CAPN2: variants seen among roughly 807,000 people sequenced by gnomAD.
CAPN2 encodes the protein calpain 2.
In CAPN2, 92 loss-of-function variants were observed where a neutral mutation model predicts 102.3. The ratio of observed to expected loss-of-function variants is 0.90; its 90% confidence interval spans 0.76 to 1.07. The LOEUF (loss-of-function observed/expected upper bound fraction) is 1.07, where lower values mean the gene tolerates loss of function less well. Among genes scored for constraint, CAPN2 ranks in the 50% least tolerant of loss-of-function variants. CAPN2 has a pLI of 0.00. For synonymous variants in CAPN2, 340 were observed against 355.4 expected, an observed-to-expected ratio of 0.96 and a Z score of 0.49; for missense variants, 800 against 909.4, an observed-to-expected ratio of 0.88 and a Z score of 1.55.
At chr1:223,715,879 G>A (rs1659862147) in intron 1 of CAPN2, among the ~76,000 whole-genome samples, 2 of 152,172 alleles carry the variant, frequency 1.3e-5, no homozygotes, top group South Asian at 4.1e-4. Context: ...AATAATAATA[G>A]ATCACATTTA....
At position 223,745,376 on chromosome 1, in the gene CAPN2, T is replaced by G; in HGVS notation, c.497T>G (p.Leu166Arg). The G allele has an allele frequency of 6.2e-7, 1 of 1,614,166 alleles. No homozygotes were observed. The highest frequency in any genetic ancestry group is 2.2e-5 in the East Asian group (1 of 44,868). The change falls in exon 4 of 21, where the codon CTC (leucine) becomes CGC (arginine). Residue 166 changes from leucine (L) to arginine (R), a missense_variant. Transcript: ENST00000295006. ...CTGCCCACCAAGGACGGGGAGCTGC[T>G]CTTTGTGCATTCAGCCGAAGGGAGC... ...DRLPTKDGELLFVHSAEGSEF... is the reference protein window; with the variant it reads ...DRLPTKDGELRFVHSAEGSEF...
intron 2 of CAPN2, among the ~76,000 whole-genome samples, chr1:223,734,493 C>A (rs577405594): frequency 1.3e-5 from 2 of 152,088 alleles, no homozygotes; most frequent in Non-Finnish European, 2.9e-5. Flanking sequence ...ATTCGGACAC[C>A]CCTTGCTTCC....
At chr1:223,706,052 T>C (rs1024859728) in intron 1 of CAPN2, among the ~76,000 whole-genome samples, 9 of 152,152 alleles carry the variant, frequency 5.9e-5, no homozygotes, top group African/African-American at 2.2e-4. Flanking sequence ...CTCTGGGAGA[T>C]AGCACTGGTG....
intron 6 of CAPN2, 112 bp from the exon 7 acceptor site, chr1:223,750,778 C>T (rs1327684754): frequency 1.7e-5 from 16 of 945,642 alleles, no homozygotes; most frequent in East Asian, 1.1e-4. Context: ...TCCTCCCCAC[C>T]GTCCTCAGCC....
At position 223,757,848 on chromosome 1, in the gene CAPN2, T is replaced by G. The variant is rs12033754; in HGVS notation, c.1317+468T>G. The G allele has an allele frequency of 3.4e-4, 35 of 102,934 alleles. No individual in the cohort carries two copies. The East Asian group carries it at 3.8e-3, about 11-fold the overall frequency. 6.4% of individuals were successfully genotyped at this position (102,934 alleles called of 1,614,324 possible). A position where few individuals can be genotyped will look rare whatever the true frequency, so the allele number is the denominator to read the frequency against. ...CCTCTCTGCATTTCAGGGTTTTGTTTTTTTTTTTTTTGATTTTTGGTTTGT... is the reference window on the plus strand; with the variant it reads ...CCTCTCTGCATTTCAGGGTTTTGTTGTTTTTTTTTTTGATTTTTGGTTTGT... On this transcript the variant is annotated intron_variant, in intron 11 of 20. Coordinates refer to ENST00000295006, the MANE Select transcript of CAPN2 (RefSeq NM_001748.5).
Position 223,717,804 on chromosome 1 carries a change from C to G in CAPN2, c.280C>G (p.Arg94Gly), listed in dbSNP as rs144316024. 1 of 1,613,954 alleles carries G rather than the reference C, an allele frequency of 6.2e-7. No individual in the cohort carries two copies. The highest frequency in any genetic ancestry group is 1.3e-5 in the African/African-American group (1 of 74,902). ...DPQFIIGGATRTDICQGALGD... is the reference protein window; with the variant it reads ...DPQFIIGGATGTDICQGALGD... ...CCAGTTTATCATTGGAGGAGCCACC[C>G]GCACAGACATCTGCCAAGGAGCCCT... Residue 94 changes from arginine (R) to glycine (G), a missense_variant, in exon 2 of 21, where the codon CGC becomes GGC. Coordinates refer to ENST00000295006, the MANE Select transcript of CAPN2 (RefSeq NM_001748.5).
chr1:223,712,934 A>G (rs918854488), intron 1 of CAPN2, 57 bp downstream of exon 1: 24 of 1,232,594 alleles, frequency 1.9e-5, no homozygotes, highest in Non-Finnish European at 2.4e-5. Context: ...GGCGGGGTGC[A>G]GGCCGGCCCG....
At chr1:223,757,283 C>A in intron 10 of CAPN2, 86 bp from the exon 11 acceptor site, 1 of 1,427,834 alleles carries the variant, frequency 7.0e-7, no homozygotes, top group Non-Finnish European at 9.9e-7. Flanking sequence ...ACAGAGAAAA[C>A]GGGGGCAGCG....
At chr1:223,766,780 T>C (rs1184771553) in intron 16 of CAPN2, among the ~76,000 whole-genome samples, 1 of 152,116 alleles carries the variant, frequency 6.6e-6, no homozygotes, top group Non-Finnish European at 1.5e-5. Context: ...ACCAACATGG[T>C]GAAACCTTGT....
intron 1 of CAPN2, among the ~76,000 whole-genome samples, chr1:223,702,625 A>C (rs1221880445): frequency 6.6e-6 from 1 of 152,180 alleles, no homozygotes; most frequent in African/African-American, 2.4e-5. Flanking sequence ...TATATACATC[A>C]AGAAGAGAGC....
At chr1:223,748,633 C>T (rs1403436191) in intron 5 of CAPN2, among the ~76,000 whole-genome samples, 1 of 152,116 alleles carries the variant, frequency 6.6e-6, no homozygotes, top group East Asian at 1.9e-4. Context: ...GTCTGGGTAT[C>T]AGCCCTGCGC....
At chr1:223,733,934 C>A (rs1423668372) in intron 2 of CAPN2, among the ~76,000 whole-genome samples, 1 of 152,242 alleles carries the variant, frequency 6.6e-6, no homozygotes, top group African/African-American at 2.4e-5. Flanking sequence ...AGAGAACTGA[C>A]AGCCCAGGGG....
At position 223,752,811 on chromosome 1, in the gene CAPN2, CT is replaced by C; in HGVS notation, c.992del (p.Phe331SerfsTer2). Reference protein sequence around the residue: ...DGEFWMSFSDFLRHYSRLEIC... With the variant: ...DGEFWMSFSDXLRHYSRLEIC... ...CTTTTGCCAGGATGTCTTTCAGTGA[CT>C]TCCTGAGGCACTATTCCCGCCTGGA... On this transcript the variant is annotated frameshift_variant, in exon 9 of 21. Transcript: ENST00000295006. LOFTEE classifies it high-confidence loss of function. The C allele has an allele frequency of 6.2e-7, 1 of 1,614,170 alleles. No homozygotes were observed. Among genetic ancestry groups the C allele is most frequent in the South Asian group, 1.1e-5 (1 of 91,082 alleles).
chr1:223,704,885 A>G (rs1571772141), intron 1 of CAPN2, among the ~76,000 whole-genome samples: 2 of 152,218 alleles, frequency 1.3e-5, no homozygotes, highest in Admixed American at 1.3e-4. Flanking sequence ...TGGAGCCCCA[A>G]CGTGAGTAGG....
intron 2 of CAPN2, among the ~76,000 whole-genome samples, chr1:223,736,717 T>G (rs1034134915): frequency 6.6e-6 from 1 of 152,164 alleles, no homozygotes; most frequent in African/African-American, 2.4e-5. Context: ...GCAGCCCATC[T>G]GATCTCTAAA....
rs1006001942 is a variant in CAPN2 at position 223,725,870 on chromosome 1, C to T, written c.307+8039C>T. ...ATCTCTAGCCATAAGTTTCCACTCA[C>T]CCATCTGCGAAATGGGAACAATGAC... On this transcript the variant is annotated intron_variant, in intron 2 of 20. Coordinates refer to ENST00000295006, the MANE Select transcript of CAPN2 (RefSeq NM_001748.5). The surrounding 1 kb of genome is among the most constrained non-coding windows in gnomAD (Gnocchi z 4.1). Among the ~76,000 whole-genome samples the T allele has an allele frequency of 1.3e-5, 2 of 152,198 alleles. No individual in the cohort carries two copies. The highest frequency in any genetic ancestry group is 2.9e-5 in the Non-Finnish European group (2 of 68,044).
chr1:223,715,484 T>TA (rs1385992009), intron 1 of CAPN2, among the ~76,000 whole-genome samples: 1 of 151,924 alleles, frequency 6.6e-6, no homozygotes, highest in Non-Finnish European at 1.5e-5. Context: ...GAAGTGAGAA[T>TA]ACGGGTTGTG....
intron 15 of CAPN2, among the ~76,000 whole-genome samples, chr1:223,765,499 T>G (rs1214453180): frequency 6.6e-6 from 1 of 152,210 alleles, no homozygotes; most frequent in African/African-American, 2.4e-5. Context: ...AGCCTCATTG[T>G]TTCTGCACAG....
chr1:223,719,223 A>G (rs1274993044), intron 2 of CAPN2, among the ~76,000 whole-genome samples: 2 of 152,162 alleles, frequency 1.3e-5, no homozygotes, highest in Non-Finnish European at 2.9e-5. Context: ...GGAAACTTTG[A>G]CCAACCCCGG....
Sources: allele counts gnomAD v4.1 joint callset (sites outside exome capture counted in the v4.1 genomes callset), GRCh38; gene constraint gnomAD v4.1.1; non-coding constraint Gnocchi (gnomAD v3.1); transcripts MANE v1.5; gene names NCBI Gene and HGNC (gene_info 2026-07-23, HGNC 2026-07-21).